UBE2H: variants seen among roughly 807,000 people sequenced by gnomAD.
UBE2H encodes the protein ubiquitin-conjugating enzyme E2 H.
Under a neutral mutation model 29.0 loss-of-function variants are expected in UBE2H, and 3 were observed. That is an observed-to-expected ratio of 0.10 (90% CI 0.05 to 0.27). UBE2H has a LOEUF of 0.27. Among genes scored for constraint, UBE2H ranks in the 10% least tolerant of loss-of-function variants. The probability of loss-of-function intolerance (pLI) is 1.00; values close to 1 mark genes in which losing one functional copy is unlikely to be tolerated. For missense variants in UBE2H, 68 were observed against 228.2 expected, an observed-to-expected ratio of 0.30 and a Z score of 4.52; for synonymous variants, 69 against 82.9, an observed-to-expected ratio of 0.83 and a Z score of 0.91.
At chr7:129,922,312 G>A (rs960110064) in intron 1 of UBE2H, among the ~76,000 whole-genome samples, 3 of 151,386 alleles carry the variant, frequency 2.0e-5, no homozygotes, top group Non-Finnish European at 2.9e-5. Flanking sequence ...TTGAGATGGA[G>A]TCTTGCTCTG....
At chr7:129,938,583 C>T (rs1274595932) in intron 1 of UBE2H, among the ~76,000 whole-genome samples, 1 of 141,862 alleles carries the variant, frequency 7.0e-6, no homozygotes, top group Non-Finnish European at 1.5e-5. Flanking sequence ...CATGGTGGCA[C>T]ATGCCTGTAA....
At chr7:129,874,093 A>G (rs1038594510) in intron 3 of UBE2H, among the ~76,000 whole-genome samples, 2 of 152,174 alleles carry the variant, frequency 1.3e-5, no homozygotes, top group Non-Finnish European at 2.9e-5. Context: ...AAAATATTCT[A>G]TAGTTCTATC....
intron 1 of UBE2H, among the ~76,000 whole-genome samples, chr7:129,908,628 T>C (rs1330283311): frequency 1.3e-5 from 2 of 152,234 alleles, no homozygotes; most frequent in Admixed American, 6.5e-5. Context: ...AAAAGTTTCT[T>C]CTTTAGAGGC....
chr7:129,920,848 C>CAAAAAAAAAAAAAAAAAAAAAAAGAA (rs11347186), intron 1 of UBE2H, among the ~76,000 whole-genome samples: 1 of 73,998 alleles, frequency 1.4e-5, no homozygotes, highest in African/African-American at 5.1e-5. Flanking sequence ...TAGAAAAAGT[C>CAAAAAAAAAAAAAAAAAAAAAAAGAA]AAAAAAAAAA....
intron 1 of UBE2H, 56 bp downstream of exon 1, chr7:129,952,447 G>A (rs1309030799): frequency 3.1e-6 from 5 of 1,594,898 alleles, no homozygotes; most frequent in East Asian, 2.3e-5. Flanking sequence ...GGGGTGCCCT[G>A]GGCATCCCCA....
At chr7:129,868,647 C>T (rs1425498521) in intron 3 of UBE2H, among the ~76,000 whole-genome samples, 3 of 148,124 alleles carry the variant, frequency 2.0e-5, no homozygotes, top group Non-Finnish European at 4.5e-5. Context: ...TAGTAACAAG[C>T]ATATGCAAAA....
intron 1 of UBE2H, chr7:129,949,081 C>A: frequency 2.2e-6 from 1 of 455,700 alleles, no homozygotes; most frequent in South Asian, 1.6e-5. Context: ...AAACAAGCAG[C>A]TCTAGCCTTC....
chr7:129,890,361 A>G (rs1041977862), intron 1 of UBE2H, among the ~76,000 whole-genome samples: 12 of 151,582 alleles, frequency 7.9e-5, no homozygotes, highest in South Asian at 2.1e-4. Flanking sequence ...ATATATACAC[A>G]TATATATACA....
chr7:129,902,430 G>A (rs1340303150), intron 1 of UBE2H, among the ~76,000 whole-genome samples: 2 of 152,212 alleles, frequency 1.3e-5, no homozygotes, highest in Admixed American at 1.3e-4. Flanking sequence ...GGACCTGGGA[G>A]GCGGAGGTTG....
Position 129,952,705 on chromosome 7 carries a change from C to T in UBE2H, c.-150G>A, listed in dbSNP as rs1264217336. On this transcript the variant is annotated 5_prime_UTR_variant, in exon 1 of 7. Coordinates refer to ENST00000355621, the MANE Select transcript of UBE2H (RefSeq NM_003344.4). ...GTCCCGTCAGCCGCCGCCGCCGCCC[C>T]CCGCACGGGGGAACACCGGGCACTG... is the stretch of plus-strand genomic sequence containing the variant. 3.4e-5 allele frequency: 29 copies of T among 858,386 alleles called. No homozygotes were observed. The highest frequency in any genetic ancestry group is 4.2e-5 in the Non-Finnish European group (26 of 618,058). 53.2% of individuals were successfully genotyped at this position (858,386 alleles called of 1,614,324 possible). A position where few individuals can be genotyped will look rare whatever the true frequency, so the allele number is the denominator to read the frequency against.
intron 1 of UBE2H, among the ~76,000 whole-genome samples, chr7:129,929,051 G>C (rs1279619385): frequency 6.6e-6 from 1 of 152,172 alleles, no homozygotes; most frequent in Admixed American, 6.5e-5. Flanking sequence ...AGGCACGGTG[G>C]CTCACGCCTG....
intron 1 of UBE2H, among the ~76,000 whole-genome samples, chr7:129,891,009 G>T (rs1027621581): frequency 6.6e-6 from 1 of 151,594 alleles, no homozygotes; most frequent in African/African-American, 2.4e-5. Context: ...GGTGGCGGGC[G>T]CTTGTAATCC....
At chr7:129,882,436 T>TA (rs750879343) in intron 1 of UBE2H, among the ~76,000 whole-genome samples, 18 of 152,324 alleles carry the variant, frequency 1.2e-4, no homozygotes, top group Non-Finnish European at 2.4e-4. Flanking sequence ...GATTTGAAAT[T>TA]AAATATTTGG....
At chr7:129,925,369 A>G (rs1807245401) in intron 1 of UBE2H, among the ~76,000 whole-genome samples, 1 of 152,146 alleles carries the variant, frequency 6.6e-6, no homozygotes, top group Non-Finnish European at 1.5e-5. Context: ...ATATTCATAA[A>G]CAAAAATTCA....
At chr7:129,919,826 T>G (rs572425581) in intron 1 of UBE2H, among the ~76,000 whole-genome samples, 2 of 152,250 alleles carry the variant, frequency 1.3e-5, no homozygotes, top group East Asian at 3.9e-4. Flanking sequence ...CAAAAATATT[T>G]GACTAGAAAA....
intron 1 of UBE2H, among the ~76,000 whole-genome samples, chr7:129,941,362 C>T (rs957714198): frequency 1.3e-5 from 2 of 151,724 alleles, no homozygotes; most frequent in East Asian, 1.9e-4. Context: ...CTCGAACTCC[C>T]GAGTTCAAGC....
At chr7:129,845,177 G>A (rs754827363) in intron 5 of UBE2H, among the ~76,000 whole-genome samples, 2 of 152,164 alleles carry the variant, frequency 1.3e-5, no homozygotes, top group East Asian at 1.9e-4. Context: ...CTAGAGCAGT[G>A]GTTCTGGGCT....
chr7:129,943,794 C>T (rs535597169), intron 1 of UBE2H, among the ~76,000 whole-genome samples: 157 of 151,984 alleles, frequency 1.0e-3, no homozygotes, highest in Non-Finnish European at 1.8e-3. Context: ...CCCAGCTACT[C>T]GGGAGGGTGA....
In UBE2H at chr7:129,952,608, G is replaced by GC. The variant is rs1807903759; in HGVS notation, c.-54dup. 1 of 1,598,798 alleles carries GC rather than the reference G, an allele frequency of 6.3e-7. No individual in the cohort carries two copies. The highest frequency in any genetic ancestry group is 1.3e-5 in the African/African-American group (1 of 74,438). On this transcript the variant is annotated 5_prime_UTR_variant, in exon 1 of 7. Transcript: ENST00000355621. ...TCGGCCCGTCTGTCACGGGCCCGGGGCCCCGGCTCTGAGGAGCCCGCGGCC... is the reference window on the plus strand; with the variant it reads ...TCGGCCCGTCTGTCACGGGCCCGGGGCCCCCGGCTCTGAGGAGCCCGCGGCC...
Sources: gnomAD v4.1 joint callset for allele counts (sites outside exome capture counted in the v4.1 genomes callset) on GRCh38, gnomAD v4.1.1 for gene constraint, MANE v1.5 for transcripts, NCBI Gene and HGNC (gene_info 2026-07-23, HGNC 2026-07-21) for gene names.